The following CCDC170 variants were observed in gnomAD, a reference collection of about 807,000 sequenced individuals.
The protein encoded by CCDC170 is coiled-coil domain-containing protein 170.
Under a neutral mutation model 72.6 loss-of-function variants are expected in CCDC170, and 69 were observed. That is an observed-to-expected ratio of 0.95 (90% confidence interval 0.78 to 1.16). CCDC170 has a LOEUF of 1.16. Ranked by LOEUF, CCDC170 falls within the 50% of genes most tolerant of loss-of-function variation. CCDC170 has a pLI of 0.00. For missense variants in CCDC170, 852 were observed against 832.5 expected (o/e 1.02, Z -0.29); for synonymous variants, 300 against 303.9 (o/e 0.99, Z 0.13).
intron 7 of CCDC170, among the ~76,000 whole-genome samples, chr6:151,590,090 T>C (rs1169983166): frequency 1.3e-5 from 2 of 152,158 alleles, no homozygotes; most frequent in Non-Finnish European, 2.9e-5. Flanking sequence ...TCAGCTCAAA[T>C]ACCACTTCCT....
At chr6:151,615,964 C>T (rs1408727630) in intron 10 of CCDC170, 2 of 292,726 alleles carry the variant, frequency 6.8e-6, no homozygotes, top group Non-Finnish European at 1.3e-5. Flanking sequence ...ATCTTTTTGG[C>T]ATTCAAGTAA....
intron 3 of CCDC170, among the ~76,000 whole-genome samples, chr6:151,540,232 G>A (rs1470264374): frequency 1.3e-5 from 2 of 151,868 alleles, no homozygotes; most frequent in African/African-American, 4.8e-5. Context: ...TCCTGGTGAG[G>A]GTCCTCTTTC....
intron 6 of CCDC170, among the ~76,000 whole-genome samples, chr6:151,583,456 T>C (rs375577449): frequency 6.6e-6 from 1 of 152,202 alleles, no homozygotes; most frequent in East Asian, 1.9e-4. Context: ...GAAGTGCGAC[T>C]CTTCGCTTTT....
chr6:151,606,646 A>G (rs1776789709), intron 9 of CCDC170, among the ~76,000 whole-genome samples: 1 of 152,210 alleles, frequency 6.6e-6, no homozygotes, highest in Non-Finnish European at 1.5e-5. Flanking sequence ...ATTGTTCCAT[A>G]GTATAGTTTA....
chr6:151,567,545 T>C (rs1470150527), intron 5 of CCDC170, among the ~76,000 whole-genome samples: 1 of 152,234 alleles, frequency 6.6e-6, no homozygotes, highest in Non-Finnish European at 1.5e-5. Context: ...ACAAATGTGT[T>C]TTCAAAATCC....
At chr6:151,573,623 A>G in intron 6 of CCDC170, 132 bp downstream of exon 6, 1 of 913,922 alleles carries the variant, frequency 1.1e-6, no homozygotes, top group South Asian at 1.8e-5. Flanking sequence ...TTATAAAGAC[A>G]AAGAGGTTTA....
In CCDC170 at chr6:151,573,225, A is replaced by T; in HGVS notation, c.826A>T (p.Ile276Phe). The T allele has an allele frequency of 1.9e-6, 3 of 1,614,086 alleles. No homozygotes were observed. Among genetic ancestry groups the T allele is most frequent in the Non-Finnish European group, 1.7e-6 (2 of 1,180,004 alleles). Residue 276 changes from isoleucine (I) to phenylalanine (F), a missense_variant, in exon 6 of 11, where the codon ATC becomes TTC. Ile to Phe is a conservative substitution (Grantham distance 21). Transcript: ENST00000239374. ...AKEALEREVKIFQERLLAGQQ... is the reference protein window; with the variant it reads ...AKEALEREVKFFQERLLAGQQ... ...AGAAGCTCTTGAAAGGGAAGTTAAGATCTTCCAAGAAAGGCTGCTTGCTGG... is the reference window on the plus strand; with the variant it reads ...AGAAGCTCTTGAAAGGGAAGTTAAGTTCTTCCAAGAAAGGCTGCTTGCTGG...
intron 1 of CCDC170, among the ~76,000 whole-genome samples, chr6:151,515,401 G>C (rs1011959410): frequency 6.6e-6 from 1 of 152,196 alleles, no homozygotes; most frequent in Non-Finnish European, 1.5e-5. Context: ...TCCTGCCTCA[G>C]CCTCCCAAGT....
At chr6:151,521,270 C>A (rs112829272) in intron 1 of CCDC170, among the ~76,000 whole-genome samples, 1 of 152,138 alleles carries the variant, frequency 6.6e-6, no homozygotes, top group Non-Finnish European at 1.5e-5. Context: ...TGGAGTCTAC[C>A]TATGCCTGTC....
intron 1 of CCDC170, among the ~76,000 whole-genome samples, chr6:151,513,567 A>G (rs954870197): frequency 7.5e-6 from 1 of 132,454 alleles, no homozygotes; most frequent in Non-Finnish European, 1.5e-5. Context: ...CCGAGATCCC[A>G]CCACTGCACT....
chr6:151,611,266 A>G (rs971719995), intron 9 of CCDC170, among the ~76,000 whole-genome samples: 1 of 84,832 alleles, frequency 1.2e-5, no homozygotes, highest in Non-Finnish European at 2.2e-5. Flanking sequence ...CAAGAGCAGA[A>G]CCCCATCTGA....
intron 1 of CCDC170, among the ~76,000 whole-genome samples, chr6:151,527,661 T>TG (rs1782431208): frequency 6.6e-6 from 1 of 151,060 alleles, no homozygotes; most frequent in South Asian, 2.1e-4. Flanking sequence ...GGAAGCTTGG[T>TG]GGGGGCGTGG....
intron 5 of CCDC170, among the ~76,000 whole-genome samples, chr6:151,561,677 A>G (rs6933605): frequency 0.92 from 139,340 of 152,010 alleles, 64,115 homozygotes; most frequent in East Asian, 0.99. Flanking sequence ...ATAGTCTGAT[A>G]ACTATATGCC....
At chr6:151,506,055 T>C (rs79241006) in intron 1 of CCDC170, among the ~76,000 whole-genome samples, 134 of 152,242 alleles carry the variant, frequency 8.8e-4, no homozygotes, top group Non-Finnish European at 1.5e-3. Context: ...GAGCTATGAT[T>C]TGTACCACTT....
intron 5 of CCDC170, among the ~76,000 whole-genome samples, chr6:151,563,526 G>A (rs895039781): frequency 6.6e-6 from 1 of 152,156 alleles, no homozygotes; most frequent in Non-Finnish European, 1.5e-5. Context: ...AATGGGTTGT[G>A]GGGTATGTTT....
Position 151,618,004 on chromosome 6 carries a change from G to T in CCDC170, c.2005G>T (p.Ala669Ser), listed in dbSNP as rs199661066. 1.2e-6 allele frequency: 2 copies of T among 1,613,988 alleles called. No individual in the cohort carries two copies. The highest frequency in any genetic ancestry group is 2.7e-5 in the African/African-American group (2 of 74,910). The change falls in exon 11 of 11, where the codon GCT becomes TCT. Residue 669 changes from alanine (A) to serine (S), a missense_variant. By Grantham distance (99) the Ala-to-Ser change is moderately conservative. Coordinates refer to ENST00000239374, the MANE Select transcript of CCDC170 (RefSeq NM_025059.4). Reference sequence around the variant, plus strand: ...GCTAGGCTTGAACGTGACCAGCCTTGCTCTTCCTGATTATGAAATCATCAA... The same window carrying T: ...GCTAGGCTTGAACGTGACCAGCCTTTCTCTTCCTGATTATGAAATCATCAA... ...QMLGLNVTSL[A>S]LPDYEIIKCL...
chr6:151,555,644 T>A (rs1782962163), intron 5 of CCDC170, among the ~76,000 whole-genome samples: 1 of 152,222 alleles, frequency 6.6e-6, no homozygotes, highest in Non-Finnish European at 1.5e-5. Context: ...TTGTGAACTG[T>A]TTGACAGTTC....
At chr6:151,550,659 A>G (rs1228129798) in intron 5 of CCDC170, among the ~76,000 whole-genome samples, 1 of 152,176 alleles carries the variant, frequency 6.6e-6, no homozygotes, top group Non-Finnish European at 1.5e-5. Context: ...AACAACATAA[A>G]TGTATTTCTC....
chr6:151,608,357 G>A (rs984695739), intron 9 of CCDC170, among the ~76,000 whole-genome samples: 1 of 152,150 alleles, frequency 6.6e-6, no homozygotes, highest in Admixed American at 6.5e-5. Flanking sequence ...TTGTGTTCCT[G>A]TGGAGGTGTA....
Sources: allele counts gnomAD v4.1 joint callset (sites outside exome capture counted in the v4.1 genomes callset), GRCh38; gene constraint gnomAD v4.1.1; transcripts MANE v1.5; gene names NCBI Gene and HGNC (gene_info 2026-07-23, HGNC 2026-07-21).